Variants in NPIPA5 observed in about 807,000 individuals in gnomAD.
NPIPA5 encodes the protein nuclear pore complex interacting protein family member A5.
Under a neutral mutation model 21.4 loss-of-function variants are expected in NPIPA5, and 6 were observed. The ratio of observed to expected loss-of-function variants is 0.28; its 90% CI spans 0.15 to 0.55. The LOEUF (loss-of-function observed/expected upper bound fraction) is 0.55. Ranked by LOEUF, NPIPA5 falls within the 20% of genes least tolerant of loss-of-function variation. The pLI, the probability that NPIPA5 is intolerant of heterozygous loss-of-function variation, is 0.93. For synonymous variants in NPIPA5, 33 were observed against 115.3 expected, an observed-to-expected ratio of 0.29 and a Z score of 4.57; for missense variants, 99 against 318.2, an observed-to-expected ratio of 0.31 and a Z score of 5.24.
chr16:15,371,045 CAAA>C (rs757452192), intron 2 of NPIPA5, among the ~76,000 whole-genome samples: 2 of 49,386 alleles, frequency 4.0e-5, no homozygotes, highest in Non-Finnish European at 4.4e-5. Context: ...GACTCCGTCT[CAAA>C]AAAAAAAAAA....
At chr16:15,368,425 G>C (rs1049562942) in intron 4 of NPIPA5, among the ~76,000 whole-genome samples, 1 of 152,022 alleles carries the variant, frequency 6.6e-6, no homozygotes, top group African/African-American at 2.4e-5. Context: ...CATGCTACTA[G>C]GTCTCAGTTC....
intron 4 of NPIPA5, 136 bp from the exon 5 acceptor site, chr16:15,366,896 C>T: frequency 1.3e-6 from 2 of 1,511,400 alleles, no homozygotes; most frequent in African/African-American, 1.4e-5. Context: ...ATTCTCACAA[C>T]CGAAGGGAGA....
rs531795063 is a variant in NPIPA5 at position 15,363,952 on chromosome 16, G to C, written c.760C>G (p.His254Asp). ...GHQPPPPTQQ[H>D]SIIDNSLSLK... ...CTCAGGGAGTTATCAATTATAGAAT[G>C]TTGTTGAGTTGGAGGAGGTGGCTGG... is the stretch of plus-strand genomic sequence containing the variant. Residue 254 changes from histidine (H) to aspartate (D), a missense_variant, in exon 8 of 8, where the codon CAT becomes GAT. By Grantham distance (81) the His-to-Asp change is moderately conservative. Coordinates refer to ENST00000360151, the MANE Select transcript of NPIPA5 (RefSeq NM_001277325.2). The C allele has an allele frequency of 2.2e-5, 35 of 1,595,126 alleles. No individual in the cohort carries two copies. The highest frequency in any genetic ancestry group is 3.0e-5 in the Non-Finnish European group (35 of 1,176,770).
chr16:15,372,109 C>T (rs1208652741), intron 2 of NPIPA5, among the ~76,000 whole-genome samples: 2 of 148,770 alleles, frequency 1.3e-5, no homozygotes, highest in Non-Finnish European at 3.0e-5. Context: ...ATGACAAGGA[C>T]AAAGATGAGA....
intron 4 of NPIPA5, among the ~76,000 whole-genome samples, chr16:15,368,307 GGCC>G: frequency 6.6e-6 from 1 of 151,360 alleles, no homozygotes; most frequent in Non-Finnish European, 1.5e-5. Context: ...GAAATACCCT[GGCC>G]TTTGTAGGGA....
chr16:15,366,025 C>T (rs1162454797), intron 5 of NPIPA5, among the ~76,000 whole-genome samples: 1 of 54,208 alleles, frequency 1.8e-5, no homozygotes, highest in African/African-American at 4.9e-5. Flanking sequence ...GCCAAGATCA[C>T]GTCATTGCAC....
At chr16:15,370,927 G>C (rs1047558997) in intron 2 of NPIPA5, among the ~76,000 whole-genome samples, 3 of 135,876 alleles carry the variant, frequency 2.2e-5, no homozygotes, top group African/African-American at 7.9e-5. Context: ...CACGCCTGTA[G>C]TCCCAGCTAC....
upstream of NPIPA5, among the ~76,000 whole-genome samples, chr16:15,379,912 C>T (rs565941777): frequency 2.6e-5 from 4 of 151,576 alleles, no homozygotes; most frequent in Non-Finnish European, 5.9e-5. Context: ...CCATTGCACT[C>T]CAGCCTGGGG....
At chr16:15,375,985 GAGAT>G (rs917734391) in intron 1 of NPIPA5, among the ~76,000 whole-genome samples, 2 of 150,570 alleles carry the variant, frequency 1.3e-5, no homozygotes, top group African/African-American at 4.8e-5. Flanking sequence ...GAATTAAACA[GAGAT>G]AGCCCTTCAA....
chr16:15,380,560 T>G (rs1205090147), upstream of NPIPA5, among the ~76,000 whole-genome samples: 1 of 151,986 alleles, frequency 6.6e-6, no homozygotes, highest in East Asian at 1.9e-4. Flanking sequence ...TGGCCTCTGG[T>G]GATCCACCAG....
At chr16:15,369,429 A>C (rs1168857370) in intron 4 of NPIPA5, among the ~76,000 whole-genome samples, 2 of 151,578 alleles carry the variant, frequency 1.3e-5, no homozygotes. Context: ...CCTGGGCAAC[A>C]AGAGCAAAGC....
At chr16:15,376,657 G>A (rs1383745418) in intron 1 of NPIPA5, among the ~76,000 whole-genome samples, 17 of 152,058 alleles carry the variant, frequency 1.1e-4, no homozygotes, top group African/African-American at 3.4e-4. Flanking sequence ...GGTGGCTCAC[G>A]CCTGTAATCC....
intron 1 of NPIPA5, among the ~76,000 whole-genome samples, chr16:15,376,682 T>C (rs1353473687): frequency 1.9e-3 from 289 of 152,126 alleles, no homozygotes; most frequent in African/African-American, 4.7e-3. Flanking sequence ...ACTGGGAGGC[T>C]GAGGCAGGCG....
chr16:15,371,404 A>G (rs2050152065), intron 2 of NPIPA5, among the ~76,000 whole-genome samples: 1 of 148,144 alleles, frequency 6.8e-6, no homozygotes, highest in South Asian at 2.2e-4. Context: ...TATGCTTTTA[A>G]TCTTCGAAGA....
At chr16:15,367,179 A>C (rs188515098) in intron 4 of NPIPA5, among the ~76,000 whole-genome samples, 1 of 152,272 alleles carries the variant, frequency 6.6e-6, no homozygotes, top group East Asian at 1.9e-4. Flanking sequence ...ATTGCTCCTC[A>C]TCTGACTCCT....
intron 1 of NPIPA5, among the ~76,000 whole-genome samples, chr16:15,377,643 G>A (rs1364821534): frequency 8.5e-6 from 1 of 117,470 alleles, no homozygotes; most frequent in Non-Finnish European, 1.8e-5. Flanking sequence ...GGAGGGGAGG[G>A]GGAGGGGAAG....
chr16:15,369,227 G>A (rs1020517968), intron 4 of NPIPA5, among the ~76,000 whole-genome samples: 9 of 148,232 alleles, frequency 6.1e-5, no homozygotes, highest in South Asian at 2.1e-4. Context: ...AGGCTGAGGC[G>A]GGTGGATTAC....
chr16:15,371,397 G>A (rs1197394576), intron 2 of NPIPA5, among the ~76,000 whole-genome samples: 1 of 147,766 alleles, frequency 6.8e-6, no homozygotes, highest in African/African-American at 2.5e-5. Flanking sequence ...ATCACAGTAT[G>A]CTTTTAATCT....
At chr16:15,370,845 G>C (rs915940243) in intron 2 of NPIPA5, among the ~76,000 whole-genome samples, 7 of 147,888 alleles carry the variant, frequency 4.7e-5, no homozygotes, top group African/African-American at 1.5e-4. Flanking sequence ...TCCAGAGATG[G>C]AGACCATCCT....
Sources: gnomAD v4.1 joint callset for allele counts (sites outside exome capture counted in the v4.1 genomes callset) on GRCh38, gnomAD v4.1.1 for gene constraint, MANE v1.5 for transcripts, NCBI Gene and HGNC (gene_info 2026-07-23, HGNC 2026-07-21) for gene names.